Variants in STK3 observed in about 807,000 individuals in gnomAD.
STK3 encodes serine/threonine kinase 3, also known as serine/threonine-protein kinase 3.
Under a neutral mutation model 58.0 loss-of-function variants are expected in STK3, and 41 were observed. That is an observed-to-expected ratio of 0.71 (90% CI 0.55 to 0.92). STK3 has a LOEUF of 0.92. Among genes scored for constraint, STK3 ranks in the 40% least tolerant of loss-of-function variants. The pLI, the probability that STK3 is intolerant of heterozygous loss-of-function variation, is 0.00. For synonymous variants in STK3, 170 were observed against 191.0 expected (o/e 0.89, Z 0.91); for missense variants, 479 against 602.7 (o/e 0.79, Z 2.15).
At chr8:98,384,089 G>T (rs959846870) in intron 1 of STK3, among the ~76,000 whole-genome samples, 1 of 152,198 alleles carries the variant, frequency 6.6e-6, no homozygotes, top group Non-Finnish European at 1.5e-5. Flanking sequence ...AGAACAGCAG[G>T]TGCAGCCAGT....
At chr8:98,652,727 G>C (rs1408290080) in intron 6 of STK3, among the ~76,000 whole-genome samples, 8 of 149,844 alleles carry the variant, frequency 5.3e-5, no homozygotes, top group Middle Eastern at 3.4e-3. Context: ...GATTAAAAGA[G>C]ACAAAGAAGG....
chr8:98,791,145 C>A (rs1461801952), intron 1 of STK3, among the ~76,000 whole-genome samples: 2 of 152,142 alleles, frequency 1.3e-5, no homozygotes, highest in African/African-American at 2.4e-5. Context: ...CATTAATGTA[C>A]ACAATCAGTA....
chr8:98,727,519 T>C (rs750071770), intron 4 of STK3, among the ~76,000 whole-genome samples: 5 of 152,190 alleles, frequency 3.3e-5, no homozygotes, highest in Non-Finnish European at 7.3e-5. Context: ...ACTGATTCAG[T>C]AAACTTGAAG....
chr8:98,687,512 T>G (rs1287427645), intron 6 of STK3, among the ~76,000 whole-genome samples: 1 of 152,138 alleles, frequency 6.6e-6, no homozygotes, highest in Non-Finnish European at 1.5e-5. Flanking sequence ...CATGGACCGG[T>G]ACCAGTCTGT....
chr8:98,922,648 A>G (rs2132013000), intron 1 of STK3, among the ~76,000 whole-genome samples: 1 of 152,334 alleles, frequency 6.6e-6, no homozygotes, highest in East Asian at 1.9e-4. Flanking sequence ...AAGTTTATTT[A>G]TTGCTCTTCT....
At chr8:98,749,687 A>T (rs946421865) in intron 3 of STK3, among the ~76,000 whole-genome samples, 4 of 152,068 alleles carry the variant, frequency 2.6e-5, no homozygotes, top group Non-Finnish European at 4.4e-5. Context: ...ATGAGGAACA[A>T]ATGAAAATTT....
At chr8:98,905,562 T>C in intron 1 of STK3, 1 of 1,078,942 alleles carries the variant, frequency 9.3e-7, no homozygotes, top group Admixed American at 1.7e-5. Flanking sequence ...TACAAAGCCG[T>C]AGTTCTTAAT....
chr8:98,686,432 T>C (rs1208908246), intron 6 of STK3, among the ~76,000 whole-genome samples: 1 of 152,156 alleles, frequency 6.6e-6, no homozygotes, highest in African/African-American at 2.4e-5. Context: ...TTAAATTTAG[T>C]ATTGACGAAA....
At chr8:98,422,948 G>A (rs1264054699) in intron 3 of STK3, among the ~76,000 whole-genome samples, 2 of 152,148 alleles carry the variant, frequency 1.3e-5, no homozygotes, top group Non-Finnish European at 2.9e-5. Flanking sequence ...TAGGAGGATT[G>A]GCTAAATTAA....
Position 98,893,472 on chromosome 8 carries a change from AAGAAAGAAAGAAAG to A in STK3, c.-78-9652_-78-9639del, listed in dbSNP as rs1564087142. On this transcript the variant is annotated intron_variant, in intron 1 of 1. Transcript: ENST00000519420. The stretch of plus-strand genomic sequence containing the variant: ...AAAGAAAGAAAGAAAGAAAGAAAGA[AAGAAAGAAAGAAAG>A]AGAAAGAAAGAAAGAAAGAAAGAAA... 8.4e-3 allele frequency among the ~76,000 whole-genome samples: 716 copies of A among 85,660 alleles called. 4 individuals are homozygous for A. The highest frequency in any genetic ancestry group is 0.02 in the African/African-American group (331 of 16,568). The allele number at this position is 85,660 out of a possible 152,430, so 56.2% of individuals were successfully genotyped here.
At chr8:98,856,223 GA>G (rs1330278013) in intron 3 of STK3, among the ~76,000 whole-genome samples, 2 of 149,664 alleles carry the variant, frequency 1.3e-5, no homozygotes, top group Non-Finnish European at 3.0e-5. Flanking sequence ...AGCTACTCAG[GA>G]GGCTGAGGTC....
At chr8:98,711,673 G>C (rs1358934241) in intron 4 of STK3, among the ~76,000 whole-genome samples, 1 of 152,230 alleles carries the variant, frequency 6.6e-6, no homozygotes, top group Non-Finnish European at 1.5e-5. Flanking sequence ...GTACCTGAAA[G>C]TGATGGGGAG....
intron 4 of STK3, among the ~76,000 whole-genome samples, chr8:98,713,569 T>A (rs893021841): frequency 2.4e-4 from 37 of 152,090 alleles, no homozygotes; most frequent in African/African-American, 8.9e-4. Flanking sequence ...CTCCCAAGAC[T>A]AAACCAGGAA....
chr8:98,884,910 T>C (rs1158803251), intron 1 of STK3, among the ~76,000 whole-genome samples: 2 of 152,248 alleles, frequency 1.3e-5, no homozygotes, highest in Admixed American at 6.5e-5. Flanking sequence ...AAACATTTTA[T>C]GATGCTGGGA....
At chr8:98,893,532 GAAAGAAAA>G (rs1438667915) in intron 1 of STK3, among the ~76,000 whole-genome samples, 172 of 127,474 alleles carry the variant, frequency 1.3e-3, no homozygotes, top group Non-Finnish European at 2.3e-3. Flanking sequence ...AAGAAAGAAA[GAAAGAAAA>G]AGAAAGAGAA....
At chr8:98,493,753 C>T (rs895060748) in intron 10 of STK3, among the ~76,000 whole-genome samples, 3 of 152,194 alleles carry the variant, frequency 2.0e-5, no homozygotes, top group Non-Finnish European at 4.4e-5. Context: ...TAAGAAGCAT[C>T]TCTTTCTGAA....
chr8:98,698,551 C>A (rs1393176627), intron 6 of STK3, among the ~76,000 whole-genome samples: 4 of 152,170 alleles, frequency 2.6e-5, no homozygotes, highest in Non-Finnish European at 5.9e-5. Flanking sequence ...TCTTTTAGGG[C>A]AGGCCTGGTG....
intron 2 of STK3, among the ~76,000 whole-genome samples, chr8:98,371,898 TA>T (rs761874517): frequency 6.6e-6 from 1 of 152,154 alleles, no homozygotes; most frequent in East Asian, 1.9e-4. Context: ...GAACCCCTAG[TA>T]CCAGTGGAAA....
At chr8:98,736,620 A>G (rs1370665021) in intron 4 of STK3, among the ~76,000 whole-genome samples, 6 of 152,164 alleles carry the variant, frequency 3.9e-5, no homozygotes, top group Non-Finnish European at 5.9e-5. Context: ...AAAATAGACA[A>G]TAGTCAATAA....
Sources: gnomAD v4.1 joint callset for allele counts (sites outside exome capture counted in the v4.1 genomes callset) on GRCh38, gnomAD v4.1.1 for gene constraint, MANE v1.5 for transcripts, NCBI Gene and HGNC (gene_info 2026-07-23, HGNC 2026-07-21) for gene names.